Variants in OTOGL observed in about 807,000 individuals in gnomAD.
OTOGL encodes otogelin-like protein.
In OTOGL, 285 loss-of-function variants were observed where a neutral mutation model predicts 318.5. The observed-to-expected ratio is 0.89, with a 90% CI of 0.81 to 0.99. The LOEUF is 0.99. OTOGL is among the 50% of genes least tolerant of loss of function. The pLI, the probability that OTOGL is intolerant of heterozygous loss-of-function variation, is 0.00. For missense variants in OTOGL, 2,899 were observed against 2,845.6 expected, an observed-to-expected ratio of 1.02 and a Z score of -0.43; for synonymous variants, 987 against 936.5, an observed-to-expected ratio of 1.05 and a Z score of -0.99.
chr12:80,129,397 G>A (rs1871095670), intron 1 of OTOGL, among the ~76,000 whole-genome samples: 1 of 152,148 alleles, frequency 6.6e-6, no homozygotes, highest in Non-Finnish European at 1.5e-5. Context: ...TTATGAGACA[G>A]CATCTATCTA....
intron 22 of OTOGL, among the ~76,000 whole-genome samples, chr12:80,267,970 CA>C (rs113225621): frequency 0.068 from 9,753 of 143,612 alleles, 1,005 homozygotes; most frequent in African/African-American, 0.23. Flanking sequence ...TGAATAGGCT[CA>C]AAAAAAAAAG....
intron 1 of OTOGL, among the ~76,000 whole-genome samples, chr12:80,127,884 G>A (rs568562015): frequency 1.3e-5 from 2 of 152,288 alleles, no homozygotes; most frequent in East Asian, 3.9e-4. Context: ...ATGGTTTTTA[G>A]CTCCATCAGG....
intron 38 of OTOGL, among the ~76,000 whole-genome samples, 192 bp from the exon 39 acceptor site, chr12:80,335,766 CTTAAA>C (rs1474479038): frequency 6.6e-5 from 10 of 151,884 alleles, no homozygotes; most frequent in Non-Finnish European, 1.3e-4. Context: ...TAAGTTAAAG[CTTAAA>C]TTAAATATAC....
chr12:80,300,637 G>C (rs1369924631), intron 27 of OTOGL, among the ~76,000 whole-genome samples: 2 of 152,182 alleles, frequency 1.3e-5, no homozygotes, highest in African/African-American at 2.4e-5. Flanking sequence ...GCATTGTGCT[G>C]TCTTAAATGC....
intron 37 of OTOGL, 33 bp downstream of exon 37, chr12:80,329,152 A>G: frequency 7.0e-7 from 1 of 1,419,776 alleles, no homozygotes; most frequent in African/African-American, 1.5e-5. Context: ...CAAAAGTAGC[A>G]CTATGTAGTT....
Position 80,265,186 on chromosome 12 carries a change from T to G in OTOGL, c.2200T>G (p.Phe734Val), listed in dbSNP as rs377113537. 1.7e-5 allele frequency: 27 copies of G among 1,613,742 alleles called. No individual in the cohort carries two copies. The African/African-American group carries it at 3.5e-4, about 21-fold the overall frequency. ...CGGCCAGCACGGTGTTCCCATTGATTTCAGAACTCAGATTTCTTTCTGTGG... is the reference window on the plus strand; with the variant it reads ...CGGCCAGCACGGTGTTCCCATTGATGTCAGAACTCAGATTTCTTTCTGTGG... ...LCGQHGVPID[F>V]RTQISFCAVV... Residue 734 changes from phenylalanine to valine, a missense_variant, in exon 20 of 59, where the codon TTC becomes GTC. By Grantham distance (50) the Phe-to-Val change is conservative (BLOSUM62 -1). This residue lies in a region of OTOGL where 2,607 missense variants were observed against 2,524.9 expected (regional missense o/e 1.03). Transcript: ENST00000547103.
intron 1 of OTOGL, among the ~76,000 whole-genome samples, chr12:80,158,458 G>A (rs1465572169): frequency 6.6e-6 from 1 of 151,962 alleles, no homozygotes; most frequent in African/African-American, 2.4e-5. Context: ...AAAAAGGAAA[G>A]GTTATCTCTG....
chr12:80,122,432 G>A (rs927015901), intron 1 of OTOGL, among the ~76,000 whole-genome samples: 1 of 152,098 alleles, frequency 6.6e-6, no homozygotes, highest in African/African-American at 2.4e-5. Context: ...CAGGGAAGAA[G>A]TTAGGAATAA....
chr12:80,270,261 A>G (rs1367526223), intron 23 of OTOGL, 107 bp downstream of exon 23: 9 of 866,746 alleles, frequency 1.0e-5, no homozygotes, highest in African/African-American at 1.7e-5. Flanking sequence ...GCATGGCTAT[A>G]GCCTTGGGAA....
intron 7 of OTOGL, among the ~76,000 whole-genome samples, chr12:80,222,873 G>A (rs546109083): frequency 6.6e-6 from 1 of 152,150 alleles, no homozygotes; most frequent in East Asian, 1.9e-4. Context: ...TCCTTTCTAA[G>A]GTGATGCAAA....
rs200937113 is a variant in OTOGL, at chr12:80,271,731, A to G, written c.2602A>G (p.Thr868Ala). Residue 868 changes from threonine to alanine, a missense_variant, in exon 24 of 59, where the codon ACT becomes GCT. Physicochemically the swap from Thr to Ala is moderately conservative, Grantham distance 58 (BLOSUM62 0). Transcript: ENST00000547103. ...ELPAGGVNCE[T>A]TCANLAMNFT... ...ACCAGCTGGTGGTGTTAATTGTGAGACTACATGTGCAAACCTAGCCATGAA... is the reference window on the plus strand; with the variant it reads ...ACCAGCTGGTGGTGTTAATTGTGAGGCTACATGTGCAAACCTAGCCATGAA... 8.1e-6 allele frequency: 13 copies of G among 1,613,002 alleles called. No homozygotes were observed. In the African/African-American group the frequency reaches 1.6e-4, roughly 20 times the overall value.
intron 52 of OTOGL, among the ~76,000 whole-genome samples, chr12:80,362,073 C>A (rs1405201545): frequency 6.6e-6 from 1 of 152,040 alleles, no homozygotes; most frequent in Non-Finnish European, 1.5e-5. Flanking sequence ...TATCCTGGAG[C>A]TTTTCCTCTA....
Position 80,266,534 on chromosome 12 carries a change from C to G in OTOGL, c.2308C>G (p.Gln770Glu). The G allele has an allele frequency of 6.2e-7, 1 of 1,613,398 alleles. No homozygotes were observed. The change falls in exon 21 of 59, where the codon CAG becomes GAG. Residue 770 changes from glutamine (Q) to glutamate (E), a missense_variant. Physicochemically the swap from Gln to Glu is conservative, Grantham distance 29. Coordinates refer to ENST00000547103, the MANE Select transcript of OTOGL (RefSeq NM_001378609.3). ...HSCISLSSPE[Q>E]CSDDCAEGCN... ...CTGCATTTCTCTCTCTTCCCCGGAGCAGTGCAGTGATGACTGTGCTGAAGG... is the reference window on the plus strand; with the variant it reads ...CTGCATTTCTCTCTCTTCCCCGGAGGAGTGCAGTGATGACTGTGCTGAAGG...
rs778023212 is a variant in OTOGL, at chr12:80,256,433, A to G, written c.1684A>G (p.Ser562Gly). Residue 562 changes from serine to glycine, a missense_variant, in exon 17 of 59, where the codon AGT becomes GGT. Ser to Gly is a moderately conservative substitution (Grantham distance 56, BLOSUM62 0). This residue lies in a region of OTOGL where 2,607 missense variants were observed against 2,524.9 expected (regional missense o/e 1.03). Coordinates refer to ENST00000547103, the MANE Select transcript of OTOGL (RefSeq NM_001378609.3). ...TGGTAGGGGAGGACAAATTCTCACT[A>G]GTCCTAACCAAGGCTTCAACCTGAA... ...TLGRGGQILT[S>G]PNQGFNLNGI... 1 of 1,586,098 alleles carries G rather than the reference A, an allele frequency of 6.3e-7. No individual in the cohort carries two copies. Among genetic ancestry groups the G allele is most frequent in the South Asian group, 1.1e-5 (1 of 88,714 alleles).
rs1296948282 is a variant in OTOGL at position 80,237,848 on chromosome 12, C to G, written c.818-1003C>G. ...GTGGCAAACATTTGGCTGGAGATTT[C>G]TGACTCTAGTGGTGCAATAGATTGT... On this transcript the variant is annotated intron_variant, in intron 9 of 58. Coordinates refer to ENST00000547103, the MANE Select transcript of OTOGL (RefSeq NM_001378609.3). Among the ~76,000 whole-genome samples, 4 of 152,168 alleles carry G rather than the reference C, an allele frequency of 2.6e-5. No homozygotes were observed. The East Asian group carries it at 7.7e-4, about 29-fold the overall frequency.
chr12:80,374,009 CA>C (rs569157670), intron 57 of OTOGL, among the ~76,000 whole-genome samples: 33 of 152,030 alleles, frequency 2.2e-4, no homozygotes, highest in African/African-American at 8.0e-4. Context: ...CGACAACAAG[CA>C]AAAAAGTCCA....
chr12:80,201,623 T>A (rs902247638), intron 1 of OTOGL, among the ~76,000 whole-genome samples: 35 of 152,246 alleles, frequency 2.3e-4, no homozygotes, highest in African/African-American at 8.4e-4. Context: ...CCTCTCCACA[T>A]GTTTCCTCAT....
At chr12:80,323,682 G>C (rs1375960669) in intron 34 of OTOGL, 41 bp from the exon 35 acceptor site, 1 of 1,420,318 alleles carries the variant, frequency 7.0e-7, no homozygotes, top group Non-Finnish European at 9.9e-7. Context: ...TTCAAGCTAT[G>C]TATTAAATAT....
rs182974337 is a variant in OTOGL, at chr12:80,255,883, A to G, written c.1588-454A>G. 2.4e-3 allele frequency among the ~76,000 whole-genome samples: 359 copies of G among 151,772 alleles called. 2 individuals carry two copies. Among genetic ancestry groups the G allele is most frequent in the African/African-American group, 8.3e-3 (344 of 41,430 alleles). On this transcript the variant is annotated intron_variant, in intron 16 of 58. Transcript: ENST00000547103. ...TTTCCAGTTTTATTTTTTCTATGTAATATATTAGAGTCTGAATTAACTTTC... is the reference window on the plus strand; with the variant it reads ...TTTCCAGTTTTATTTTTTCTATGTAGTATATTAGAGTCTGAATTAACTTTC...
Sources: gnomAD v4.1 joint callset for allele counts (sites outside exome capture counted in the v4.1 genomes callset) on GRCh38, gnomAD v4.1.1 for gene constraint, gnomAD v4.1.1 regional missense constraint, MANE v1.5 for transcripts, NCBI Gene and HGNC (gene_info 2026-07-23, HGNC 2026-07-21) for gene names.